Variants in RAB11B observed in about 807,000 individuals in gnomAD.
RAB11B encodes ras-related protein Rab-11B.
In RAB11B, 7 loss-of-function variants were observed where a neutral mutation model predicts 23.7. That is an observed-to-expected ratio of 0.29 (90% CI 0.17 to 0.55). The LOEUF (loss-of-function observed/expected upper bound fraction) is 0.55. Ranked by LOEUF, RAB11B falls within the 20% of genes least tolerant of loss-of-function variation. RAB11B has a pLI of 0.93. For missense variants in RAB11B, 189 were observed against 320.0 expected (o/e 0.59, Z 3.12); for synonymous variants, 138 against 132.0 (o/e 1.05, Z -0.31).
In RAB11B at chr19:8,402,288, A is replaced by T. The variant is rs770616368; in HGVS notation, c.430+9A>T. On this transcript the variant is annotated intron_variant, in intron 3 of 4. Coordinates refer to ENST00000328024, the MANE Select transcript of RAB11B (RefSeq NM_004218.4). Reference sequence around the variant, plus strand: ...GGCCCGCGCCTTCGCAGGTGAGCAGACGGAGACGCAGGCATCAGAGAGGTG... The same window carrying T: ...GGCCCGCGCCTTCGCAGGTGAGCAGTCGGAGACGCAGGCATCAGAGAGGTG... 5 of 1,549,468 alleles carry T rather than the reference A, an allele frequency of 3.2e-6. No individual in the cohort carries two copies. The highest frequency in any genetic ancestry group is 1.2e-5 in the South Asian group (1 of 84,676).
chr19:8,395,886 G>A (rs1399278269), intron 1 of RAB11B, among the ~76,000 whole-genome samples: 2 of 152,196 alleles, frequency 1.3e-5, no homozygotes, highest in Non-Finnish European at 2.9e-5. Flanking sequence ...GGAAGAACTT[G>A]GACTGTGGAT....
chr19:8,399,181 C>T (rs1971418998), intron 1 of RAB11B, among the ~76,000 whole-genome samples: 1 of 152,042 alleles, frequency 6.6e-6, no homozygotes, highest in South Asian at 2.1e-4. Flanking sequence ...TCTCGATCTC[C>T]TGACCTCGTG....
rs74176644 is a variant in RAB11B at position 8,392,685 on chromosome 19, CTTTTTTT to C, written c.40+2245_40+2251del. ...ATATTTTTCTTTTCCTTTTTCTTTT[CTTTTTTT>C]TTTTTTTTTTTTTTTGAGACAGAAT... On this transcript the variant is annotated intron_variant, in intron 1 of 4. Coordinates refer to ENST00000328024, the MANE Select transcript of RAB11B (RefSeq NM_004218.4). 6.4e-4 allele frequency among the ~76,000 whole-genome samples: 51 copies of C among 79,662 alleles called. 1 individual carries two copies. The East Asian group carries it at 6.6e-3, about 10-fold the overall frequency. The allele number at this position is 79,662 out of a possible 152,430, so 52.3% of individuals were successfully genotyped here. A position where few individuals can be genotyped will look rare whatever the true frequency, so the allele number is the denominator to read the frequency against.
intron 4 of RAB11B, chr19:8,403,069 GGACACA>G (rs1971450873): frequency 2.9e-6 from 1 of 346,650 alleles, no homozygotes; most frequent in Non-Finnish European, 5.3e-6. Context: ...CTGGCACTGG[GGACACA>G]GAGACCCCCT....
intron 1 of RAB11B, among the ~76,000 whole-genome samples, chr19:8,398,677 C>T (rs921697323): frequency 1.3e-5 from 2 of 152,152 alleles, no homozygotes; most frequent in Admixed American, 6.5e-5. Flanking sequence ...GGGAGTAGCT[C>T]CTCATGTCCT....
At chr19:8,395,271 CTT>C (rs201774881) in intron 1 of RAB11B, among the ~76,000 whole-genome samples, 2,336 of 94,102 alleles carry the variant, frequency 0.025, 59 homozygotes, top group African/African-American at 0.092. Flanking sequence ...TTCCATCTTT[CTT>C]TTTTTTTTTT....
intron 2 of RAB11B, among the ~76,000 whole-genome samples, chr19:8,401,826 C>T (rs117457546): frequency 0.013 from 1,918 of 152,332 alleles, 19 homozygotes; most frequent in Non-Finnish European, 0.02. Context: ...CCAGCCCCTT[C>T]TTCCCTTTTT....
At position 8,399,876 on chromosome 19, in the gene RAB11B, G is replaced by C. The variant is rs535435407; in HGVS notation, c.54G>C (p.Gly18=). 2.5e-6 allele frequency: 4 copies of C among 1,613,862 alleles called. No homozygotes were observed. The East Asian group carries it at 6.7e-5, about 27-fold the overall frequency. Residue 18 remains glycine (G), a synonymous_variant, in exon 2 of 5, where the codon GGG becomes GGC. Transcript: ENST00000328024. Reference sequence around the variant, plus strand: ...CTTCCCGCCCAGTGGTGCTCATCGGGGACTCAGGCGTGGGCAAGAGCAACC... The same window carrying C: ...CTTCCCGCCCAGTGGTGCTCATCGGCGACTCAGGCGTGGGCAAGAGCAACC... ...YDYLFKVVLI[G]DSGVGKSNLL...
rs1026194909 is a variant in RAB11B, at chr19:8,403,812, G to A, written c.*254G>A. 6 of 488,478 alleles carry A rather than the reference G, an allele frequency of 1.2e-5. No homozygotes were observed. Among genetic ancestry groups the A allele is most frequent in the East Asian group, 3.7e-5 (1 of 27,322 alleles). The allele number at this position is 488,478 out of a possible 1,614,324, so 30.3% of individuals were successfully genotyped here. Reference sequence around the variant, plus strand: ...AGCGTCTTGGCGGGGTGGGGAGGGCGGCAGGATGGACGGGGCTGGCCAGAG... The same window carrying A: ...AGCGTCTTGGCGGGGTGGGGAGGGCAGCAGGATGGACGGGGCTGGCCAGAG... On this transcript the variant is annotated 3_prime_UTR_variant, in exon 5 of 5. Transcript: ENST00000328024.
chr19:8,399,945 G>A lies in RAB11B; in HGVS notation c.123G>A (p.Lys41=). 1 of 1,614,232 alleles carries A rather than the reference G, an allele frequency of 6.2e-7. No individual in the cohort carries two copies. Among genetic ancestry groups the A allele is most frequent in the East Asian group, 2.2e-5 (1 of 44,884 alleles). ...GCAACGAGTTCAACCTGGAGAGCAA[G>A]AGCACCATCGGCGTGGAGTTCGCCA... ...FTRNEFNLES[K]STIGVEFATR... is the part of the protein sequence containing the mutation. Residue 41 remains lysine (K), a synonymous_variant, in exon 2 of 5, where the codon AAG becomes AAA. Transcript: ENST00000328024.
Position 8,403,856 on chromosome 19 carries a change from C to T in RAB11B, c.*298C>T, listed in dbSNP as rs915014666. 1.2e-4 allele frequency: 40 copies of T among 343,658 alleles called. No individual in the cohort carries two copies. Among genetic ancestry groups the T allele is most frequent in the Non-Finnish European group, 2.0e-4 (38 of 188,572 alleles). The allele number at this position is 343,658 out of a possible 1,614,324, so 21.3% of individuals were successfully genotyped here. On this transcript the variant is annotated 3_prime_UTR_variant, in exon 5 of 5. Transcript: ENST00000328024. ...GCCAGAGGCGAGGAGGACGGGCGGA[C>T]GGCGCCGCCTTCTCCCCTTTTCCTT...
rs1437902263 is a variant in RAB11B, at chr19:8,402,153, G to A, written c.304G>A (p.Val102Met). The change falls in exon 3 of 5, where the codon GTG (valine) becomes ATG (methionine). Residue 102 changes from valine to methionine, a missense_variant. Physicochemically the swap from Val to Met is conservative, Grantham distance 21. Around this residue, in one of 5 missense-constraint regions of RAB11B, gnomAD observed 122 missense variants for 170.8 expected, o/e 0.71. Coordinates refer to ENST00000328024, the MANE Select transcript of RAB11B (RefSeq NM_004218.4). ...DIAKHLTYEN[V>M]ERWLKELRDH... ...CGCCAAGCACCTGACCTATGAGAAC[G>A]TGGAGCGCTGGCTGAAGGAGCTGCG... The A allele has an allele frequency of 1.2e-6, 2 of 1,607,944 alleles. No individual in the cohort carries two copies. The highest frequency in any genetic ancestry group is 2.2e-5 in the East Asian group (1 of 44,560).
chr19:8,392,524 C>G (rs772218973), intron 1 of RAB11B, among the ~76,000 whole-genome samples: 5 of 152,060 alleles, frequency 3.3e-5, no homozygotes, highest in Non-Finnish European at 5.9e-5. Flanking sequence ...CTGAGTCTAG[C>G]AGGTGCCCTG....
intron 4 of RAB11B, chr19:8,402,880 C>G: frequency 2.0e-6 from 1 of 511,886 alleles, no homozygotes; most frequent in Non-Finnish European, 3.4e-6. Context: ...CCAGGTTGAT[C>G]TCGAACTCCT....
At chr19:8,400,937 G>A (rs1056805699) in intron 2 of RAB11B, among the ~76,000 whole-genome samples, 4 of 152,064 alleles carry the variant, frequency 2.6e-5, no homozygotes, top group Non-Finnish European at 1.5e-5. Context: ...TGTCGCCCAG[G>A]CTGGAGTGCA....
intron 4 of RAB11B, chr19:8,403,039 C>G: frequency 3.0e-6 from 1 of 334,772 alleles, no homozygotes; most frequent in South Asian, 4.4e-5. Context: ...TTCACAGGGT[C>G]AGACCAGGTC....
Position 8,403,711 on chromosome 19 carries a change from GC to G in RAB11B, c.*155del. The G allele has an allele frequency of 3.5e-6, 4 of 1,137,082 alleles. No individual in the cohort carries two copies. The South Asian group carries it at 4.9e-5, about 14-fold the overall frequency. The allele number at this position is 1,137,082 out of a possible 1,614,324, so 70.4% of individuals were successfully genotyped here. The stretch of plus-strand genomic sequence containing the variant: ...GGGCCGGGGCCCAGGAAGGACAGGA[GC>G]CAGTGCTACCCCGTCCTGCCCGGGG... On this transcript the variant is annotated 3_prime_UTR_variant, in exon 5 of 5. Transcript: ENST00000328024.
At chr19:8,400,152 G>A in intron 2 of RAB11B, 94 bp downstream of exon 2, 1 of 1,404,440 alleles carries the variant, frequency 7.1e-7, no homozygotes, top group Non-Finnish European at 9.7e-7. Flanking sequence ...TTGGGCAGGA[G>A]AAGGGGAGAG....
In RAB11B at chr19:8,396,735, G is replaced by A. The variant is rs1971400076; in HGVS notation, c.41-3128G>A. On this transcript the variant is annotated intron_variant, in intron 1 of 4. Coordinates refer to ENST00000328024, the MANE Select transcript of RAB11B (RefSeq NM_004218.4). The surrounding 1 kb of genome is among the most constrained non-coding windows in gnomAD (Gnocchi z 5.0). ...GGGGGGGGGGCGGGAGGGAGGAGGG[G>A]AGGGCCCTGTGGGCAGCGGGGAGGA... Among the ~76,000 whole-genome samples the A allele has an allele frequency of 7.3e-6, 1 of 137,660 alleles. No homozygotes were observed. The highest frequency in any genetic ancestry group is 1.6e-5 in the Non-Finnish European group (1 of 63,400). The allele number at this position is 137,660 out of a possible 152,430, so 90.3% of individuals were successfully genotyped here. A position where few individuals can be genotyped will look rare whatever the true frequency, so the allele number is the denominator to read the frequency against.
Sources: gnomAD v4.1 joint callset for allele counts (sites outside exome capture counted in the v4.1 genomes callset) on GRCh38, gnomAD v4.1.1 for gene constraint, gnomAD v4.1.1 regional missense constraint, Gnocchi (gnomAD v3.1) non-coding constraint, MANE v1.5 for transcripts, NCBI Gene and HGNC (gene_info 2026-07-23, HGNC 2026-07-21) for gene names.